The following RIMS2 variants were observed in gnomAD, a reference collection of about 807,000 sequenced individuals.
RIMS2 encodes the protein regulating synaptic membrane exocytosis protein 2.
In RIMS2, 59 loss-of-function variants were observed where a neutral mutation model predicts 174.4. The observed-to-expected ratio is 0.34, with a 90% CI of 0.27 to 0.42. The LOEUF (loss-of-function observed/expected upper bound fraction) is 0.42, where lower values mean the gene tolerates loss of function less well. RIMS2 is among the 10% of genes least tolerant of loss of function. RIMS2 has a pLI of 1.00. For missense variants in RIMS2, 1,620 were observed against 1,666.3 expected, an observed-to-expected ratio of 0.97 and a Z score of 0.48; for synonymous variants, 606 against 572.5, an observed-to-expected ratio of 1.06 and a Z score of -0.84.
chr8:104,163,561 C>T (rs955848835), intron 19 of RIMS2, among the ~76,000 whole-genome samples: 1 of 152,092 alleles, frequency 6.6e-6, no homozygotes, highest in Non-Finnish European at 1.5e-5. Context: ...TAAAATCAAC[C>T]GTGTAGGATC....
intron 19 of RIMS2, among the ~76,000 whole-genome samples, chr8:104,023,018 T>C (rs1030620680): frequency 2.8e-4 from 42 of 152,242 alleles, no homozygotes; most frequent in Non-Finnish European, 5.9e-5. Context: ...CAGTTTGTCC[T>C]TTTGCTATCT....
chr8:104,161,198 A>T (rs972632925), intron 19 of RIMS2, among the ~76,000 whole-genome samples: 1 of 152,132 alleles, frequency 6.6e-6, no homozygotes, highest in East Asian at 1.9e-4. Flanking sequence ...TTATATTGTC[A>T]TTAATGTAAT....
chr8:104,183,488 T>C (rs1425772661), intron 19 of RIMS2, among the ~76,000 whole-genome samples: 2 of 151,572 alleles, frequency 1.3e-5, no homozygotes, highest in Non-Finnish European at 3.0e-5. Context: ...ATAATAAGAT[T>C]GACATTCAAA....
intron 4 of RIMS2, among the ~76,000 whole-genome samples, chr8:103,888,366 A>AT (rs546676432): frequency 1.3e-4 from 19 of 151,226 alleles, no homozygotes; most frequent in South Asian, 2.1e-4. Context: ...GATCTTAATT[A>AT]TTTTTTTTAT....
At chr8:103,734,927 G>GCTGTCT (rs112197083) in intron 2 of RIMS2, among the ~76,000 whole-genome samples, 56,808 of 151,550 alleles carry the variant, frequency 0.37, 10,949 homozygotes, top group African/African-American at 0.4. Flanking sequence ...CCACCGAAGG[G>GCTGTCT]CACAGGTTTT....
At chr8:104,163,967 C>G (rs1400929394) in intron 19 of RIMS2, among the ~76,000 whole-genome samples, 1 of 152,004 alleles carries the variant, frequency 6.6e-6, no homozygotes, top group Non-Finnish European at 1.5e-5. Context: ...CCAGGAAAGG[C>G]ACTGTGCTCA....
intron 19 of RIMS2, among the ~76,000 whole-genome samples, chr8:104,067,767 A>G (rs117435004): frequency 6.6e-6 from 1 of 152,118 alleles, no homozygotes; most frequent in African/African-American, 2.4e-5. Flanking sequence ...TTCTAACCCA[A>G]ATTTTTGAAG....
At chr8:103,896,298 G>A (rs2154522864) in intron 4 of RIMS2, among the ~76,000 whole-genome samples, 1 of 151,662 alleles carries the variant, frequency 6.6e-6, no homozygotes, top group Non-Finnish European at 1.5e-5. Context: ...TAGCAAAAAA[G>A]CTGCTGGTTT....
intron 1 of RIMS2, among the ~76,000 whole-genome samples, chr8:103,667,570 A>T (rs571557009): frequency 6.6e-6 from 1 of 152,340 alleles, no homozygotes; most frequent in South Asian, 2.1e-4. Context: ...TCTTTCATGT[A>T]TCAAAGCATA....
chr8:103,749,092 C>G (rs1468477404), intron 2 of RIMS2, among the ~76,000 whole-genome samples: 2 of 151,202 alleles, frequency 1.3e-5, no homozygotes, highest in Non-Finnish European at 2.9e-5. Flanking sequence ...AGCCACCGTG[C>G]CTGGCCATAT....
At chr8:104,138,800 G>A (rs539398255) in intron 19 of RIMS2, among the ~76,000 whole-genome samples, 1 of 152,104 alleles carries the variant, frequency 6.6e-6, no homozygotes, top group Non-Finnish European at 1.5e-5. Flanking sequence ...TTTTGCTTTG[G>A]TTGCCTGAGC....
At chr8:103,527,385 T>A (rs1200857192) in intron 1 of RIMS2, among the ~76,000 whole-genome samples, 1 of 152,156 alleles carries the variant, frequency 6.6e-6, no homozygotes, top group Non-Finnish European at 1.5e-5. Flanking sequence ...ATACTTTATT[T>A]TTTATTTATT....
At chr8:103,562,944 G>A (rs1030464959) in intron 1 of RIMS2, among the ~76,000 whole-genome samples, 53 of 152,218 alleles carry the variant, frequency 3.5e-4, no homozygotes, top group Admixed American at 2.6e-4. Flanking sequence ...AGCCTGAGCC[G>A]TACCTTGGCC....
At chr8:103,758,527 A>G (rs2098062048) in intron 2 of RIMS2, among the ~76,000 whole-genome samples, 1 of 152,104 alleles carries the variant, frequency 6.6e-6, no homozygotes, top group Non-Finnish European at 1.5e-5. Context: ...AGACGTGAAC[A>G]TGAATTTCAG....
chr8:103,691,584 T>C (rs1351222887), intron 1 of RIMS2, among the ~76,000 whole-genome samples: 1 of 152,184 alleles, frequency 6.6e-6, no homozygotes, highest in East Asian at 1.9e-4. Flanking sequence ...CTGAATTCCT[T>C]CTCCGTGGTA....
intron 1 of RIMS2, among the ~76,000 whole-genome samples, chr8:103,564,427 A>C (rs1318392670): frequency 6.6e-6 from 1 of 152,166 alleles, no homozygotes; most frequent in Non-Finnish European, 1.5e-5. Context: ...GACTCACATA[A>C]TCACAAGATG....
At chr8:104,232,700 G>A (rs1445299486) in intron 19 of RIMS2, among the ~76,000 whole-genome samples, 1 of 152,118 alleles carries the variant, frequency 6.6e-6, no homozygotes, top group Non-Finnish European at 1.5e-5. Context: ...GTATATTCTG[G>A]CCACTACCCT....
intron 15 of RIMS2, among the ~76,000 whole-genome samples, chr8:103,974,121 T>C (rs762320697): frequency 5.3e-5 from 8 of 152,202 alleles, no homozygotes; most frequent in Non-Finnish European, 1.2e-4. Context: ...GCTTAGTTTC[T>C]TCCCTTTTTT....
intron 1 of RIMS2, among the ~76,000 whole-genome samples, chr8:103,667,601 G>A (rs1283051124): frequency 6.6e-6 from 1 of 152,166 alleles, no homozygotes; most frequent in African/African-American, 2.4e-5. Flanking sequence ...AAATAAGGTT[G>A]GCTGCAAAAT....
Sources: gnomAD v4.1 joint callset for allele counts (sites outside exome capture counted in the v4.1 genomes callset) on GRCh38, gnomAD v4.1.1 for gene constraint, MANE v1.5 for transcripts, NCBI Gene and HGNC (gene_info 2026-07-23, HGNC 2026-07-21) for gene names.